The following MAP4K5 variants were observed in gnomAD, a reference collection of about 807,000 sequenced individuals.
The protein encoded by MAP4K5 is mitogen-activated protein kinase kinase kinase kinase 5.
MAP4K5 carries 82 observed loss-of-function variants against 135.6 expected under a neutral mutation model. That is an observed-to-expected ratio of 0.60 (90% confidence interval 0.51 to 0.73). The LOEUF is 0.73. MAP4K5 is among the 30% of genes least tolerant of loss of function. MAP4K5 has a pLI of 0.00. For synonymous variants in MAP4K5, 347 were observed against 335.0 expected, an observed-to-expected ratio of 1.04 and a Z score of -0.39; for missense variants, 907 against 1,010.9, an observed-to-expected ratio of 0.90 and a Z score of 1.39.
intron 3 of MAP4K5, among the ~76,000 whole-genome samples, chr14:50,489,284 GT>G (rs1229902699): frequency 6.6e-6 from 1 of 152,116 alleles, no homozygotes; most frequent in African/African-American, 2.4e-5. Flanking sequence ...AGAGTTTGAG[GT>G]TGCAGTGAGC....
At chr14:50,507,692 ATTGC>A (rs939346342) in intron 2 of MAP4K5, among the ~76,000 whole-genome samples, 3 of 152,230 alleles carry the variant, frequency 2.0e-5, no homozygotes, top group Admixed American at 6.5e-5. Context: ...TTCTAGTTTG[ATTGC>A]ACTGTGGTCT....
chr14:50,426,208 T>C (rs2035842624), intron 30 of MAP4K5, among the ~76,000 whole-genome samples: 1 of 152,188 alleles, frequency 6.6e-6, no homozygotes. Context: ...GCCATTCATT[T>C]AAACATGAAC....
At chr14:50,552,948 T>A (rs2038721044) in intron 1 of MAP4K5, among the ~76,000 whole-genome samples, 1 of 152,100 alleles carries the variant, frequency 6.6e-6, no homozygotes, top group Non-Finnish European at 1.5e-5. Context: ...GACATGGGCT[T>A]AGGCAAAGAA....
At chr14:50,512,168 G>A (rs2037943642) in intron 2 of MAP4K5, among the ~76,000 whole-genome samples, 1 of 152,026 alleles carries the variant, frequency 6.6e-6, no homozygotes, top group Admixed American at 6.6e-5. Context: ...GTAATTCTAT[G>A]TACTATGTGC....
chr14:50,476,365 A>C, intron 6 of MAP4K5, 59 bp from the exon 7 acceptor site: 3 of 823,992 alleles, frequency 3.6e-6, no homozygotes, highest in Admixed American at 3.8e-5. Context: ...TGTGACTCCT[A>C]AATTTTCTAC....
At position 50,476,241 on chromosome 14, in the gene MAP4K5, T is replaced by C; in HGVS notation, c.426+18A>G. The C allele has an allele frequency of 6.7e-7, 1 of 1,487,642 alleles. No homozygotes were observed. The highest frequency in any genetic ancestry group is 9.1e-7 in the Non-Finnish European group (1 of 1,102,802). The allele number at this position is 1,487,642 out of a possible 1,614,324, so 92.2% of individuals were successfully genotyped here. On this transcript the variant is annotated intron_variant, in intron 7 of 32. Transcript: ENST00000682126. ...CTTCCAATAGAATTGGCAATTTAAA[T>C]GTATTAAATGAACTTACTTTGATAT...
At chr14:50,511,772 A>G (rs1228274188) in intron 2 of MAP4K5, among the ~76,000 whole-genome samples, 2 of 152,138 alleles carry the variant, frequency 1.3e-5, no homozygotes, top group African/African-American at 4.8e-5. Flanking sequence ...GCATATTGTT[A>G]AGTGAAAGAA....
chr14:50,523,370 A>G (rs1402315947), intron 2 of MAP4K5, among the ~76,000 whole-genome samples: 1 of 152,186 alleles, frequency 6.6e-6, no homozygotes. Context: ...GCACCAGTCA[A>G]TAAGGCATGG....
chr14:50,462,573 AAGAT>A (rs2036734862), intron 13 of MAP4K5, 88 bp downstream of exon 13: 7 of 804,482 alleles, frequency 8.7e-6, no homozygotes, highest in Admixed American at 2.5e-5. Flanking sequence ...ACTAAGTTAA[AAGAT>A]AGACTCAGAA....
intron 2 of MAP4K5, among the ~76,000 whole-genome samples, chr14:50,520,820 CTTTTTT>C (rs139101824): frequency 9.3e-6 from 1 of 107,942 alleles, no homozygotes; most frequent in African/African-American, 3.2e-5. Flanking sequence ...GCAAAGTCAT[CTTTTTT>C]TTTTTTTTTT....
At chr14:50,450,688 G>A (rs1389552981) in intron 14 of MAP4K5, 4 of 152,182 alleles carry the variant, frequency 2.6e-5, no homozygotes, top group African/African-American at 9.7e-5. Flanking sequence ...AGCTAACAGA[G>A]CGCTGTGAGC....
At chr14:50,479,527 C>T (rs2037190252) in intron 6 of MAP4K5, among the ~76,000 whole-genome samples, 1 of 152,056 alleles carries the variant, frequency 6.6e-6, no homozygotes, top group African/African-American at 2.4e-5. Flanking sequence ...TTGTTAATTC[C>T]ATCAGACACT....
At chr14:50,560,419 C>T (rs907200686) in intron 1 of MAP4K5, 40 of 1,326,314 alleles carry the variant, frequency 3.0e-5, no homozygotes, top group Non-Finnish European at 4.0e-5. Flanking sequence ...GGCTGGGAGA[C>T]GGGCCGTAGC....
chr14:50,476,534 C>A, intron 6 of MAP4K5, among the ~76,000 whole-genome samples: 1 of 152,190 alleles, frequency 6.6e-6, no homozygotes, highest in East Asian at 1.9e-4. Context: ...GATTTTGGCT[C>A]ACTGCAGCTG....
At position 50,445,066 on chromosome 14, in the gene MAP4K5, C is replaced by T; in HGVS notation, c.1314G>A (p.Gly438=). 6.2e-7 allele frequency: 1 copy of T among 1,613,502 alleles called. No individual in the cohort carries two copies. Among genetic ancestry groups the T allele is most frequent in the African/African-American group, 1.3e-5 (1 of 75,034 alleles). ...ILRRQSSPSC[G]PVAETSSIGN... ...CAATAGAAGAAGTCTCTGCCACAGG[C>T]CCACAACTTGGGCTACTCTGTCTTC... is the stretch of plus-strand genomic sequence containing the variant. The change falls in exon 18 of 33, where the codon GGG becomes GGA. Residue 438 remains glycine (G), a synonymous_variant. Transcript: ENST00000682126.
chr14:50,463,758 G>A (rs1181584752), intron 12 of MAP4K5, among the ~76,000 whole-genome samples: 2 of 151,730 alleles, frequency 1.3e-5, no homozygotes, highest in Non-Finnish European at 2.9e-5. Flanking sequence ...AGTGGCACGC[G>A]CCTGTAATCC....
At chr14:50,495,697 A>C (rs1374709138) in intron 3 of MAP4K5, among the ~76,000 whole-genome samples, 1 of 152,226 alleles carries the variant, frequency 6.6e-6, no homozygotes, top group Non-Finnish European at 1.5e-5. Flanking sequence ...TGAATGAATA[A>C]AACTGTAGTA....
chr14:50,437,888 T>C lies in MAP4K5; in HGVS notation c.1823+6A>G, dbSNP rs544220155. On this transcript the variant is annotated splice_donor_region_variant and intron_variant, in intron 25 of 32. Coordinates refer to ENST00000682126, the MANE Select transcript of MAP4K5 (RefSeq NM_006575.6). ...CATTCAGTAGAATCAAAATGATATT[T>C]TGTACCTTGGTAGTATTCGGTCTGG... 2.2e-5 allele frequency: 34 copies of C among 1,515,390 alleles called. No homozygotes were observed. In the African/African-American group the frequency reaches 2.7e-4, roughly 12 times the overall value. The allele number at this position is 1,515,390 out of a possible 1,614,324, so 93.9% of individuals were successfully genotyped here.
At chr14:50,469,519 G>A (rs971347670) in intron 9 of MAP4K5, among the ~76,000 whole-genome samples, 13 of 151,080 alleles carry the variant, frequency 8.6e-5, no homozygotes, top group African/African-American at 3.2e-4. Context: ...TAATTATGAG[G>A]TCAAACAATC....
Sources: allele counts gnomAD v4.1 joint callset (sites outside exome capture counted in the v4.1 genomes callset), GRCh38; gene constraint gnomAD v4.1.1; transcripts MANE v1.5; gene names NCBI Gene and HGNC (gene_info 2026-07-23, HGNC 2026-07-21).